Variants in GALNT17 observed in about 807,000 individuals in gnomAD.
GALNT17 encodes the protein UDP-GalNAc:polypeptide N-acetylgalactosaminyltransferase-like 3.
GALNT17 carries 29 observed loss-of-function variants against 63.7 expected under a neutral mutation model. The ratio of observed to expected loss-of-function variants is 0.46; its 90% CI spans 0.34 to 0.62. The LOEUF (loss-of-function observed/expected upper bound fraction) is 0.62, where lower values mean the gene tolerates loss of function less well. GALNT17 is among the 20% of genes least tolerant of loss of function. GALNT17 has a pLI of 0.01. For missense variants in GALNT17, 603 were observed against 799.6 expected (o/e 0.75, Z 2.97); for synonymous variants, 305 against 318.3 (o/e 0.96, Z 0.45).
intron 6 of GALNT17, among the ~76,000 whole-genome samples, chr7:71,578,720 G>A (rs1466863983): frequency 1.3e-5 from 2 of 152,108 alleles, no homozygotes; most frequent in Non-Finnish European, 2.9e-5. Context: ...CACTCCCACA[G>A]GTCTCTTTGC....
chr7:71,279,851 T>C (rs986908455), intron 1 of GALNT17, among the ~76,000 whole-genome samples: 2 of 151,478 alleles, frequency 1.3e-5, no homozygotes, highest in Non-Finnish European at 2.9e-5. Context: ...TGATGTTCTT[T>C]ATGTTATTTG....
intron 1 of GALNT17, among the ~76,000 whole-genome samples, chr7:71,251,805 T>C (rs1424439750): frequency 6.6e-6 from 1 of 152,196 alleles, no homozygotes; most frequent in Non-Finnish European, 1.5e-5. Flanking sequence ...CAGAAAAGCG[T>C]CAGCTCTGCC....
intron 1 of GALNT17, among the ~76,000 whole-genome samples, chr7:71,139,850 A>G (rs1269174669): frequency 6.6e-6 from 1 of 152,098 alleles, no homozygotes; most frequent in African/African-American, 2.4e-5. Context: ...AAAATAAGCC[A>G]GGCGTGGTGA....
chr7:71,658,175 G>A (rs1410265216), intron 6 of GALNT17, among the ~76,000 whole-genome samples: 1 of 152,176 alleles, frequency 6.6e-6, no homozygotes, highest in East Asian at 1.9e-4. Flanking sequence ...CCAAATTGCT[G>A]GGATTCCAGT....
At chr7:71,626,267 G>A (rs1037434667) in intron 6 of GALNT17, among the ~76,000 whole-genome samples, 17 of 150,430 alleles carry the variant, frequency 1.1e-4, no homozygotes, top group Non-Finnish European at 2.5e-4. Flanking sequence ...AAGGGACACA[G>A]ACACACACAA....
intron 2 of GALNT17, among the ~76,000 whole-genome samples, chr7:71,373,332 G>A (rs1792661058): frequency 6.6e-6 from 1 of 152,304 alleles, no homozygotes; most frequent in African/African-American, 2.4e-5. Context: ...TAAGTTAGGA[G>A]GGCCTGCTTT....
At position 71,712,412 on chromosome 7, in the gene GALNT17, GTGGACC is replaced by G. The variant is rs1204995304; in HGVS notation, c.*270_*275del. ...ACAGCTGTCTTCCACAGCCTCTGAT[GTGGACC>G]TGGTACTGAGGAGCAAGACTGTCCA... On this transcript the variant is annotated 3_prime_UTR_variant, in exon 11 of 11. Coordinates refer to ENST00000333538, the MANE Select transcript of GALNT17 (RefSeq NM_022479.3). 5.7e-6 allele frequency: 2 copies of G among 351,220 alleles called. No homozygotes were observed. The highest frequency in any genetic ancestry group is 4.3e-5 in the African/African-American group (2 of 46,812). The allele number at this position is 351,220 out of a possible 1,614,324, so 21.8% of individuals were successfully genotyped here.
chr7:71,431,713 C>T (rs964600184), intron 5 of GALNT17, among the ~76,000 whole-genome samples: 1 of 151,926 alleles, frequency 6.6e-6, no homozygotes, highest in Non-Finnish European at 1.5e-5. Context: ...AGATTTTTAC[C>T]GGCTGAGTAT....
chr7:71,589,861 A>T (rs1789772634), intron 6 of GALNT17, among the ~76,000 whole-genome samples: 2 of 152,122 alleles, frequency 1.3e-5, no homozygotes, highest in Admixed American at 1.3e-4. Flanking sequence ...CATCCATATA[A>T]CTTTATTCTT....
chr7:71,310,026 G>A (rs1791388193), intron 1 of GALNT17, among the ~76,000 whole-genome samples: 1 of 152,146 alleles, frequency 6.6e-6, no homozygotes, highest in Admixed American at 6.5e-5. Context: ...ATAAGGGGGA[G>A]TTTCCCTGCA....
intron 7 of GALNT17, among the ~76,000 whole-genome samples, chr7:71,668,945 T>A (rs538592572): frequency 2.0e-5 from 3 of 152,320 alleles, no homozygotes; most frequent in African/African-American, 7.2e-5. Context: ...TTTGCAGGTA[T>A]AGGAAAGAAA....
At chr7:71,146,119 G>A (rs1788018301) in intron 1 of GALNT17, among the ~76,000 whole-genome samples, 1 of 152,150 alleles carries the variant, frequency 6.6e-6, no homozygotes, top group Non-Finnish European at 1.5e-5. Context: ...GGAGGCGGTG[G>A]AGACGGGTGG....
chr7:71,304,281 A>G (rs1026977296), intron 1 of GALNT17, among the ~76,000 whole-genome samples: 2 of 152,340 alleles, frequency 1.3e-5, no homozygotes, highest in South Asian at 2.1e-4. Flanking sequence ...TTTAATCTGT[A>G]TATATTCGAC....
chr7:71,414,254 TAAATAA>T (rs1793484733), intron 3 of GALNT17, among the ~76,000 whole-genome samples: 1 of 152,016 alleles, frequency 6.6e-6, no homozygotes, highest in African/African-American at 2.4e-5. Flanking sequence ...AACGTAAAAA[TAAATAA>T]AAATAAAAAT....
At chr7:71,449,957 A>C (rs1183290007) in intron 5 of GALNT17, among the ~76,000 whole-genome samples, 1 of 151,000 alleles carries the variant, frequency 6.6e-6, no homozygotes, top group African/African-American at 2.4e-5. Flanking sequence ...AGGAGAAATC[A>C]CTTGAACCCG....
intron 5 of GALNT17, among the ~76,000 whole-genome samples, chr7:71,502,617 A>G (rs1172586660): frequency 6.6e-6 from 1 of 152,174 alleles, no homozygotes. Context: ...ATAGACACAG[A>G]AAATGATGCC....
chr7:71,276,088 A>G (rs1369802748), intron 1 of GALNT17, among the ~76,000 whole-genome samples: 1 of 152,070 alleles, frequency 6.6e-6, no homozygotes, highest in Non-Finnish European at 1.5e-5. Flanking sequence ...GAACAGAAGC[A>G]CTCTGAAGGC....
intron 1 of GALNT17, among the ~76,000 whole-genome samples, chr7:71,237,099 C>A (rs1234015927): frequency 6.6e-6 from 1 of 152,116 alleles, no homozygotes; most frequent in Admixed American, 6.5e-5. Context: ...GAGGTAGGGT[C>A]AAAAACCACG....
intron 8 of GALNT17, 116 bp downstream of exon 8, chr7:71,670,225 T>C: frequency 7.1e-7 from 1 of 1,417,338 alleles, no homozygotes; most frequent in Non-Finnish European, 9.8e-7. Context: ...TTTTTGGAGG[T>C]GCTGGCCCTG....
Sources: gnomAD v4.1 joint callset for allele counts (sites outside exome capture counted in the v4.1 genomes callset) on GRCh38, gnomAD v4.1.1 for gene constraint, MANE v1.5 for transcripts, NCBI Gene and HGNC (gene_info 2026-07-23, HGNC 2026-07-21) for gene names.